COL22A1: variants seen among roughly 807,000 people sequenced by gnomAD.
The protein encoded by COL22A1 is collagen type XXII alpha 1 chain.
In COL22A1, 221 loss-of-function variants were observed where a neutral mutation model predicts 248.9. The observed-to-expected ratio is 0.89, with a 90% CI of 0.80 to 0.99. COL22A1 has a LOEUF of 0.99. Among genes scored for constraint, COL22A1 ranks in the 50% least tolerant of loss-of-function variants. The probability of loss-of-function intolerance (pLI) is 0.00; values close to 1 mark genes in which losing one functional copy is unlikely to be tolerated. For synonymous variants in COL22A1, 891 were observed against 793.4 expected (o/e 1.12, Z -2.07); for missense variants, 2,240 against 2,179.0 (o/e 1.03, Z -0.56).
intron 2 of COL22A1, 81 bp downstream of exon 2, chr8:138,883,001 A>ACACACCACAGCCCATGCT (rs1824357445): frequency 7.9e-7 from 1 of 1,260,754 alleles, no homozygotes; most frequent in African/African-American, 1.5e-5. Context: ...ACTTGCATGC[A>ACACACCACAGCCCATGCT]CACACCACAG....
chr8:138,849,064 C>T (rs111868932), intron 3 of COL22A1, among the ~76,000 whole-genome samples: 3 of 152,162 alleles, frequency 2.0e-5, no homozygotes. Flanking sequence ...CCAGTTCCTC[C>T]GCTGCTCCGA....
intron 3 of COL22A1, among the ~76,000 whole-genome samples, chr8:138,874,346 A>G (rs1274924754): frequency 6.6e-6 from 1 of 152,204 alleles, no homozygotes; most frequent in Non-Finnish European, 1.5e-5. Context: ...TGGCCTGTGT[A>G]GGGTTTCCCT....
At chr8:138,869,657 T>G (rs1427537692) in intron 3 of COL22A1, among the ~76,000 whole-genome samples, 1 of 152,228 alleles carries the variant, frequency 6.6e-6, no homozygotes, top group Non-Finnish European at 1.5e-5. Context: ...ACATAAAATT[T>G]CACAGCACAT....
chr8:138,617,100 G>T (rs1017612396), intron 53 of COL22A1, 142 bp from the exon 54 acceptor site: 2 of 823,662 alleles, frequency 2.4e-6, no homozygotes, highest in Admixed American at 2.0e-5. Context: ...CCTACTTGGT[G>T]CCATGCTCGG....
At chr8:138,679,105 A>G (rs1016309707) in intron 40 of COL22A1, among the ~76,000 whole-genome samples, 5 of 151,990 alleles carry the variant, frequency 3.3e-5, no homozygotes, top group African/African-American at 1.2e-4. Context: ...TTTTATAGGG[A>G]TAGGGTCTCA....
intron 23 of COL22A1, among the ~76,000 whole-genome samples, chr8:138,734,844 G>A (rs146822053): frequency 0.013 from 2,016 of 152,250 alleles, 42 homozygotes; most frequent in African/African-American, 0.045. Context: ...CCATAAAAAA[G>A]GATGAGTTCA....
chr8:138,653,670 C>T (rs1822956347), intron 45 of COL22A1, among the ~76,000 whole-genome samples: 1 of 152,158 alleles, frequency 6.6e-6, no homozygotes, highest in South Asian at 2.1e-4. Flanking sequence ...CCAGTCAGTT[C>T]TCCAACTACC....
intron 12 of COL22A1, among the ~76,000 whole-genome samples, chr8:138,781,986 A>T (rs1359296854): frequency 2.0e-5 from 3 of 152,240 alleles, no homozygotes; most frequent in Non-Finnish European, 4.4e-5. Flanking sequence ...ACTCATCATA[A>T]TCCTATGAGA....
At chr8:138,813,145 A>G in intron 7 of COL22A1, 126 bp from the exon 8 acceptor site, 1 of 693,286 alleles carries the variant, frequency 1.4e-6, no homozygotes, top group South Asian at 1.6e-5. Flanking sequence ...TCCTGAGTCC[A>G]CCCCAGGATA....
At chr8:138,663,395 T>G (rs1432479649) in intron 42 of COL22A1, among the ~76,000 whole-genome samples, 1 of 152,204 alleles carries the variant, frequency 6.6e-6, no homozygotes, top group Non-Finnish European at 1.5e-5. Context: ...TCAAAATTAG[T>G]TCTTCAGGCA....
intron 12 of COL22A1, among the ~76,000 whole-genome samples, chr8:138,790,901 A>G (rs1347434479): frequency 6.6e-6 from 1 of 151,932 alleles, no homozygotes; most frequent in Admixed American, 6.6e-5. Flanking sequence ...CATTCTCCAA[A>G]GCTCGCACCC....
In COL22A1 at chr8:138,722,858, G is replaced by GT. The variant is rs1421621280; in HGVS notation, c.2248-770_2248-769insA. 3.1e-4 allele frequency among the ~76,000 whole-genome samples: 34 copies of GT among 108,886 alleles called. 4 individuals carry two copies. Among genetic ancestry groups the GT allele is most frequent in the African/African-American group, 7.5e-4 (23 of 30,574 alleles). The allele number at this position is 108,886 out of a possible 152,430, so 71.4% of individuals were successfully genotyped here. ...ATCGGGTCACATGGGGGCGGGGGGGGGGTGGTGGAAAACACACCCTGGGGC... is the reference window on the plus strand; with the variant it reads ...ATCGGGTCACATGGGGGCGGGGGGGGTGGTGGTGGAAAACACACCCTGGGGC... On this transcript the variant is annotated intron_variant, in intron 25 of 64. Coordinates refer to ENST00000303045, the MANE Select transcript of COL22A1 (RefSeq NM_152888.3).
At chr8:138,726,157 G>T (rs1045281879) in intron 23 of COL22A1, among the ~76,000 whole-genome samples, 1 of 152,026 alleles carries the variant, frequency 6.6e-6, no homozygotes, top group Non-Finnish European at 1.5e-5. Context: ...CTTGGTTGAG[G>T]GGGAGGGCTG....
intron 35 of COL22A1, among the ~76,000 whole-genome samples, chr8:138,692,309 T>C (rs1369969510): frequency 2.9e-4 from 3 of 10,268 alleles, no homozygotes; most frequent in Admixed American, 2.7e-3. Flanking sequence ...CGGAGGTGTA[T>C]GTGTGTGCAT....
At chr8:138,873,344 C>T (rs111918508) in intron 3 of COL22A1, among the ~76,000 whole-genome samples, 4,799 of 145,450 alleles carry the variant, frequency 0.033, 258 homozygotes, top group African/African-American at 0.12. Context: ...TTTTCTTTGG[C>T]GGGGGTGGGG....
At chr8:138,906,801 C>T (rs1000926543) in intron 1 of COL22A1, among the ~76,000 whole-genome samples, 1 of 151,976 alleles carries the variant, frequency 6.6e-6, no homozygotes, top group Non-Finnish European at 1.5e-5. Context: ...TACAGGCACC[C>T]GCCACCATAC....
chr8:138,735,834 C>A (rs146267445), intron 23 of COL22A1, among the ~76,000 whole-genome samples: 1 of 152,328 alleles, frequency 6.6e-6, no homozygotes, highest in Non-Finnish European at 1.5e-5. Context: ...GTAGGAAAAA[C>A]TGGCTTCTGA....
chr8:138,711,282 G>C (rs992223157), intron 30 of COL22A1, among the ~76,000 whole-genome samples: 5 of 152,214 alleles, frequency 3.3e-5, no homozygotes, highest in Non-Finnish European at 2.9e-5. Flanking sequence ...AAGAACAGGG[G>C]ACGTGAAGGG....
intron 1 of COL22A1, among the ~76,000 whole-genome samples, chr8:138,913,398 T>G (rs1028737630): frequency 1.3e-5 from 2 of 152,188 alleles, no homozygotes; most frequent in Non-Finnish European, 2.9e-5. Context: ...ACTCTGAAGT[T>G]AAGTCAAGAC....
Sources: gnomAD v4.1 joint callset for allele counts (sites outside exome capture counted in the v4.1 genomes callset) on GRCh38, gnomAD v4.1.1 for gene constraint, MANE v1.5 for transcripts, NCBI Gene and HGNC (gene_info 2026-07-23, HGNC 2026-07-21) for gene names.